Variants in PRELID2 observed in about 807,000 individuals in gnomAD.
PRELID2 encodes PRELI domain containing 2.
In PRELID2, 25 loss-of-function variants were observed where a neutral mutation model predicts 28.4. The ratio of observed to expected loss-of-function variants is 0.88; its 90% CI spans 0.64 to 1.23. The LOEUF (loss-of-function observed/expected upper bound fraction) is 1.23. PRELID2 is among the 50% of genes most tolerant of loss of function. The pLI is 0.00. For missense variants in PRELID2, 201 were observed against 214.4 expected, an observed-to-expected ratio of 0.94 and a Z score of 0.39; for synonymous variants, 76 against 71.6, an observed-to-expected ratio of 1.06 and a Z score of -0.31.
chr5:145,230,578 C>CA, the PRELID2 span, among the ~76,000 whole-genome samples: 7 of 148,822 alleles, frequency 4.7e-5, no homozygotes, highest in Non-Finnish European at 1.0e-4. Context: ...GACTCTGTCT[C>CA]AAAAAAATAA....
intron 1 of PRELID2, among the ~76,000 whole-genome samples, chr5:145,740,522 T>A (rs1185610480): frequency 7.4e-6 from 1 of 135,258 alleles, no homozygotes; most frequent in Non-Finnish European, 1.6e-5. Flanking sequence ...CTAACTAGCA[T>A]TTATAAAACA....
chr5:145,582,301 A>G (rs549331354), intron 1 of PRELID2, among the ~76,000 whole-genome samples: 2 of 152,234 alleles, frequency 1.3e-5, no homozygotes, highest in African/African-American at 4.8e-5. Flanking sequence ...CAGTAAATTT[A>G]TAATCATGGC....
chr5:145,300,063 C>T, the PRELID2 span, among the ~76,000 whole-genome samples: 336 of 151,830 alleles, frequency 2.2e-3, 2 homozygotes, highest in African/African-American at 7.8e-3. Flanking sequence ...TTATCTTTAT[C>T]GATTATTACA....
In PRELID2 at chr5:145,801,002, AACAGATGG is replaced by A. The variant is rs368177532; in HGVS notation, c.369-4463_369-4456del. Among the ~76,000 whole-genome samples the A allele has an allele frequency of 3.7e-3, 562 of 152,218 alleles. 3 individuals carry two copies. The highest frequency in any genetic ancestry group is 0.012 in the African/African-American group (511 of 41,548). The stretch of plus-strand genomic sequence containing the variant: ...GGATGGATGGACAGACGGACGGATG[AACAGATGG>A]ACAGATGGACAGATGAGTAAGTGAA... On this transcript the variant is annotated intron_variant, in intron 4 of 6. Transcript: ENST00000683046.
intron 1 of PRELID2, among the ~76,000 whole-genome samples, chr5:145,488,039 G>A (rs1398948335): frequency 2.8e-5 from 4 of 145,130 alleles, no homozygotes; most frequent in Non-Finnish European, 4.5e-5. Flanking sequence ...CAGGAGAATC[G>A]CTTGAACCCG....
chr5:145,834,564 G>C (rs1398247569), intron 1 of PRELID2: 2 of 152,158 alleles, frequency 1.3e-5, no homozygotes, highest in Admixed American at 1.3e-4. Context: ...AACTTGGCTC[G>C]AATGAACTCT....
intron 1 of PRELID2, among the ~76,000 whole-genome samples, chr5:145,613,932 T>C (rs1753659190): frequency 6.6e-6 from 1 of 152,232 alleles, no homozygotes; most frequent in South Asian, 2.1e-4. Flanking sequence ...TGTTATCTTC[T>C]AGAATTTTTA....
chr5:145,636,962 T>G (rs1489734848), intron 1 of PRELID2, among the ~76,000 whole-genome samples: 1 of 152,184 alleles, frequency 6.6e-6, no homozygotes, highest in African/African-American at 2.4e-5. Context: ...ATCAAAGCTA[T>G]TCTACCAACG....
In PRELID2 at chr5:145,790,892, T is replaced by TATAC. The variant is rs1491450480; in HGVS notation, c.474+5549_474+5550insGTAT. Among the ~76,000 whole-genome samples the TATAC allele has an allele frequency of 1.2e-3, 7 of 6,036 alleles. No homozygotes were observed. In the South Asian group the frequency reaches 0.056, roughly 48 times the overall value. 4.0% of individuals were successfully genotyped at this position (6,036 alleles called of 152,430 possible). On this transcript the variant is annotated intron_variant, in intron 5 of 6. Transcript: ENST00000683046. ...TTAATCCAGCAATTTCACTTCTGGG[T>TATAC]ATATATATATATATATATACCAAAA...
chr5:145,427,013 C>T, the PRELID2 span, among the ~76,000 whole-genome samples: 1 of 152,194 alleles, frequency 6.6e-6, no homozygotes, highest in East Asian at 1.9e-4. Flanking sequence ...CACTTGCCTA[C>T]ACATCATAAT....
the PRELID2 span, among the ~76,000 whole-genome samples, chr5:145,326,347 C>T: frequency 2.6e-5 from 4 of 151,954 alleles, no homozygotes; most frequent in Non-Finnish European, 2.9e-5. Flanking sequence ...AATTGATCAA[C>T]GTGATTTCAA....
chr5:145,832,038 A>G (rs937926456), intron 1 of PRELID2, among the ~76,000 whole-genome samples: 1 of 152,224 alleles, frequency 6.6e-6, no homozygotes, highest in Non-Finnish European at 1.5e-5. Context: ...CCAATAGATA[A>G]CTTAAACATT....
At chr5:145,520,128 T>G (rs140749419) in intron 1 of PRELID2, among the ~76,000 whole-genome samples, 1 of 152,060 alleles carries the variant, frequency 6.6e-6, no homozygotes, top group Admixed American at 6.5e-5. Flanking sequence ...TACAAAAAAA[T>G]TCTGTAAAGG....
intron 1 of PRELID2, among the ~76,000 whole-genome samples, chr5:145,571,281 CAAGGG>C (rs1753012861): frequency 6.6e-6 from 1 of 152,114 alleles, no homozygotes; most frequent in African/African-American, 2.4e-5. Flanking sequence ...TCCTCTTGGC[CAAGGG>C]CATTCCAAAG....
At chr5:145,525,992 G>A (rs189305816) in intron 1 of PRELID2, among the ~76,000 whole-genome samples, 1 of 152,278 alleles carries the variant, frequency 6.6e-6, no homozygotes, top group Admixed American at 6.5e-5. Flanking sequence ...AAGGGGCTGG[G>A]AGTCAAAGCA....
the PRELID2 span, among the ~76,000 whole-genome samples, chr5:145,244,253 C>T: frequency 2.0e-5 from 3 of 152,134 alleles, no homozygotes; most frequent in African/African-American, 7.2e-5. Context: ...CCACGGCTGG[C>T]CCCAACTTTT....
At chr5:145,665,986 TAAAAA>T (rs79255272) in intron 1 of PRELID2, among the ~76,000 whole-genome samples, 19 of 138,196 alleles carry the variant, frequency 1.4e-4, no homozygotes, top group African/African-American at 5.0e-4. Flanking sequence ...GTCTTTTTTT[TAAAAA>T]AAAAAAAAAA....
chr5:145,505,241 C>T (rs984035485), intron 1 of PRELID2, among the ~76,000 whole-genome samples: 1 of 152,166 alleles, frequency 6.6e-6, no homozygotes, highest in Non-Finnish European at 1.5e-5. Context: ...AACACATTTA[C>T]TACCATCCAA....
chr5:145,614,320 A>G (rs1753664042), intron 1 of PRELID2, among the ~76,000 whole-genome samples: 1 of 152,108 alleles, frequency 6.6e-6, no homozygotes, highest in Non-Finnish European at 1.5e-5. Context: ...TTGGTTCCAT[A>G]TGGATTTTAG....
Sources: gnomAD v4.1 joint callset for allele counts (sites outside exome capture counted in the v4.1 genomes callset) on GRCh38, gnomAD v4.1.1 for gene constraint, MANE v1.5 for transcripts, NCBI Gene and HGNC (gene_info 2026-07-23, HGNC 2026-07-21) for gene names.